Variants in KHDRBS2 observed in about 807,000 individuals in gnomAD.
KHDRBS2 encodes the protein KH RNA binding domain containing, signal transduction associated 2, also known as KH domain-containing, RNA-binding, signal transduction-associated protein 2.
In KHDRBS2, 26 loss-of-function variants were observed where a neutral mutation model predicts 44.3. The observed-to-expected ratio is 0.59, with a 90% CI of 0.43 to 0.81. The LOEUF is 0.81. KHDRBS2 is among the 40% of genes least tolerant of loss of function. The pLI, the probability that KHDRBS2 is intolerant of heterozygous loss-of-function variation, is 0.00. For synonymous variants in KHDRBS2, 194 were observed against 151.1 expected, an observed-to-expected ratio of 1.28 and a Z score of -2.08; for missense variants, 476 against 433.1, an observed-to-expected ratio of 1.10 and a Z score of -0.88.
chr6:62,107,633 C>T lies in KHDRBS2; in HGVS notation c.220-59639G>A, dbSNP rs191669391. Among the ~76,000 whole-genome samples the T allele has an allele frequency of 8.5e-5, 13 of 152,230 alleles. No homozygotes were observed. In the East Asian group the frequency reaches 2.3e-3, roughly 27 times the overall value. ...GGAACCAAAAAAGAGCCCGCATCGCCAAGTCAATCCTAAGCTAAAAGAACA... is the reference window on the plus strand; with the variant it reads ...GGAACCAAAAAAGAGCCCGCATCGCTAAGTCAATCCTAAGCTAAAAGAACA... On this transcript the variant is annotated intron_variant, in intron 2 of 8. Coordinates refer to ENST00000281156, the MANE Select transcript of KHDRBS2 (RefSeq NM_152688.4).
At chr6:62,139,991 C>A (rs1030052444) in intron 2 of KHDRBS2, among the ~76,000 whole-genome samples, 6 of 150,802 alleles carry the variant, frequency 4.0e-5, no homozygotes, top group Admixed American at 2.0e-4. Flanking sequence ...TTCAAATATT[C>A]AGTTAAAATA....
intron 2 of KHDRBS2, among the ~76,000 whole-genome samples, chr6:62,096,032 C>T (rs920286922): frequency 6.6e-5 from 10 of 151,742 alleles, no homozygotes; most frequent in South Asian, 6.2e-4. Context: ...TATTGATTTG[C>T]GTATATTGAA....
At chr6:62,123,461 G>A (rs2150084398) in intron 2 of KHDRBS2, among the ~76,000 whole-genome samples, 1 of 152,300 alleles carries the variant, frequency 6.6e-6, no homozygotes, top group Non-Finnish European at 1.5e-5. Flanking sequence ...CTAGATCCTT[G>A]AGGAATCGCC....
At chr6:62,071,155 T>G (rs1369896332) in intron 2 of KHDRBS2, among the ~76,000 whole-genome samples, 2 of 152,208 alleles carry the variant, frequency 1.3e-5, no homozygotes, top group Non-Finnish European at 2.9e-5. Context: ...GAAGTTTCTG[T>G]TCATGTCCTT....
chr6:61,670,287 C>G, the KHDRBS2 span, among the ~76,000 whole-genome samples: 1 of 151,360 alleles, frequency 6.6e-6, no homozygotes, highest in African/African-American at 2.4e-5. Context: ...ACAAAAAAAT[C>G]TTTAAAAAGT....
At chr6:61,858,711 C>G (rs1796490664) in intron 6 of KHDRBS2, among the ~76,000 whole-genome samples, 1 of 151,666 alleles carries the variant, frequency 6.6e-6, no homozygotes, top group Non-Finnish European at 1.5e-5. Flanking sequence ...CTATTTATTG[C>G]CTGTAACTAA....
Position 62,058,747 on chromosome 6 carries a change from T to C in KHDRBS2, c.220-10753A>G, listed in dbSNP as rs1349152406. Among the ~76,000 whole-genome samples, 4 of 151,946 alleles carry C rather than the reference T, an allele frequency of 2.6e-5. No homozygotes were observed. The East Asian group carries it at 7.8e-4, about 30-fold the overall frequency. On this transcript the variant is annotated intron_variant, in intron 2 of 8. Coordinates refer to ENST00000281156, the MANE Select transcript of KHDRBS2 (RefSeq NM_152688.4). ...AGCTATGCCTGTAAAATTAATTTCA[T>C]TTGGAATTTACAGAGGTTTCTACCA...
chr6:61,601,761 G>T, the KHDRBS2 span, among the ~76,000 whole-genome samples: 3 of 151,826 alleles, frequency 2.0e-5, no homozygotes, highest in Non-Finnish European at 2.9e-5. Flanking sequence ...GCCAGGCTGA[G>T]CCAGGTCCCA....
chr6:61,640,146 T>C, the KHDRBS2 span, among the ~76,000 whole-genome samples: 1 of 152,174 alleles, frequency 6.6e-6, no homozygotes, highest in African/African-American at 2.4e-5. Flanking sequence ...AATAACAAGT[T>C]TGATATTTGC....
the KHDRBS2 span, among the ~76,000 whole-genome samples, chr6:61,660,737 A>C: frequency 2.6e-5 from 4 of 151,766 alleles, no homozygotes; most frequent in Admixed American, 2.6e-4. Flanking sequence ...GATTTATTGG[A>C]AGTCCCTATA....
At chr6:62,007,727 A>G (rs904298504) in intron 3 of KHDRBS2, among the ~76,000 whole-genome samples, 45 of 152,100 alleles carry the variant, frequency 3.0e-4, no homozygotes, top group Non-Finnish European at 1.8e-4. Flanking sequence ...TGAAAAATAG[A>G]TGTATAGTCA....
chr6:62,084,593 A>C (rs2127358068), intron 2 of KHDRBS2, among the ~76,000 whole-genome samples: 1 of 152,336 alleles, frequency 6.6e-6, no homozygotes, highest in African/African-American at 2.4e-5. Flanking sequence ...GGCTATCTCA[A>C]GGCATGAATA....
At chr6:61,931,855 C>A (rs1332348764) in intron 4 of KHDRBS2, among the ~76,000 whole-genome samples, 7 of 152,012 alleles carry the variant, frequency 4.6e-5, no homozygotes, top group Non-Finnish European at 8.8e-5. Context: ...CAAGACCAAC[C>A]CATCCTTTCC....
intron 6 of KHDRBS2, among the ~76,000 whole-genome samples, chr6:61,771,166 T>TA (rs1464763022): frequency 6.6e-6 from 1 of 152,134 alleles, no homozygotes; most frequent in Non-Finnish European, 1.5e-5. Flanking sequence ...AGGCCTGCCC[T>TA]AAAAGAACTC....
chr6:61,809,458 C>T (rs1011136573), intron 6 of KHDRBS2, among the ~76,000 whole-genome samples: 1 of 152,064 alleles, frequency 6.6e-6, no homozygotes, highest in African/African-American at 2.4e-5. Context: ...AAATGCTTAG[C>T]TATTGTAATA....
chr6:61,994,191 G>T (rs1379881411), intron 3 of KHDRBS2, among the ~76,000 whole-genome samples: 1 of 152,092 alleles, frequency 6.6e-6, no homozygotes, highest in African/African-American at 2.4e-5. Context: ...TTCTAATAAA[G>T]CCTTAATTCT....
the KHDRBS2 span, among the ~76,000 whole-genome samples, chr6:61,635,318 A>G: frequency 1.3e-5 from 2 of 152,006 alleles, no homozygotes; most frequent in African/African-American, 4.8e-5. Flanking sequence ...GAATGGGAGA[A>G]GACGTGAAGA....
At chr6:61,944,653 A>G (rs1364070216) in intron 4 of KHDRBS2, among the ~76,000 whole-genome samples, 1 of 152,158 alleles carries the variant, frequency 6.6e-6, no homozygotes, top group East Asian at 1.9e-4. Context: ...AGAAGAGAGG[A>G]CTTGAAATGT....
At chr6:61,944,137 A>G (rs1812732170) in intron 4 of KHDRBS2, among the ~76,000 whole-genome samples, 1 of 152,158 alleles carries the variant, frequency 6.6e-6, no homozygotes, top group African/African-American at 2.4e-5. Context: ...TAGAACTACC[A>G]TACAATCAAG....
Sources: allele counts gnomAD v4.1 joint callset (sites outside exome capture counted in the v4.1 genomes callset), GRCh38; gene constraint gnomAD v4.1.1; transcripts MANE v1.5; gene names NCBI Gene and HGNC (gene_info 2026-07-23, HGNC 2026-07-21).